The following SSBP2 variants were observed in gnomAD, a reference collection of about 807,000 sequenced individuals.
The protein encoded by SSBP2 is single stranded DNA binding protein 2, also known as single-stranded DNA-binding protein 2.
SSBP2 carries 17 observed loss-of-function variants against 61.8 expected under a neutral mutation model. The observed-to-expected ratio is 0.28, with a 90% CI of 0.19 to 0.41. The LOEUF is 0.41. Among genes scored for constraint, SSBP2 ranks in the 10% least tolerant of loss-of-function variants. The pLI, the probability that SSBP2 is intolerant of heterozygous loss-of-function variation, is 1.00. For missense variants in SSBP2, 310 were observed against 458.7 expected (o/e 0.68, Z 2.96); for synonymous variants, 139 against 141.3 (o/e 0.98, Z 0.12).
chr5:81,467,868 C>T (rs1399849864), intron 8 of SSBP2, among the ~76,000 whole-genome samples: 1 of 151,858 alleles, frequency 6.6e-6, no homozygotes, highest in Non-Finnish European at 1.5e-5. Flanking sequence ...TTAAATGTTG[C>T]TTTTCTCCAA....
chr5:81,713,817 G>C (rs998995669), intron 1 of SSBP2, among the ~76,000 whole-genome samples: 2 of 151,794 alleles, frequency 1.3e-5, no homozygotes, highest in Non-Finnish European at 2.9e-5. Flanking sequence ...ACAAATAATA[G>C]GTAAAGAGAA....
At chr5:81,582,242 A>G (rs182954645) in intron 4 of SSBP2, among the ~76,000 whole-genome samples, 6 of 152,278 alleles carry the variant, frequency 3.9e-5, no homozygotes, top group African/African-American at 9.6e-5. Flanking sequence ...TAAAATAAAT[A>G]AAGTATTTAA....
chr5:81,577,770 C>CT (rs1284474212), intron 4 of SSBP2, among the ~76,000 whole-genome samples: 2 of 151,750 alleles, frequency 1.3e-5, no homozygotes, highest in Middle Eastern at 3.2e-3. Flanking sequence ...ATTATTACAT[C>CT]TTTTTTTCTA....
At chr5:81,612,914 T>G (rs1362148240) in intron 4 of SSBP2, among the ~76,000 whole-genome samples, 1 of 151,482 alleles carries the variant, frequency 6.6e-6, no homozygotes, top group Non-Finnish European at 1.5e-5. Flanking sequence ...CCCAAGTCTT[T>G]CAAACTATTA....
At chr5:81,631,812 A>AT (rs1053746024) in intron 3 of SSBP2, among the ~76,000 whole-genome samples, 1 of 152,306 alleles carries the variant, frequency 6.6e-6, no homozygotes, top group East Asian at 1.9e-4. Flanking sequence ...ATAAGAACTA[A>AT]TTTTTTGAAC....
intron 4 of SSBP2, among the ~76,000 whole-genome samples, chr5:81,547,054 A>AAAAAAAAAAAAAAT (rs1771787018): frequency 6.6e-6 from 1 of 151,032 alleles, no homozygotes; most frequent in African/African-American, 2.4e-5. Flanking sequence ...AAAAAAAAAA[A>AAAAAAAAAAAAAAT]AAAGTCTATC....
At chr5:81,745,007 G>T (rs529460747) in intron 1 of SSBP2, among the ~76,000 whole-genome samples, 1 of 152,168 alleles carries the variant, frequency 6.6e-6, no homozygotes, top group East Asian at 1.9e-4. Context: ...ATAATTATAA[G>T]AAAAACATTA....
intron 1 of SSBP2, among the ~76,000 whole-genome samples, chr5:81,672,029 T>C (rs2153790515): frequency 6.6e-6 from 1 of 152,280 alleles, no homozygotes; most frequent in East Asian, 1.9e-4. Flanking sequence ...TATTCTACTA[T>C]TGAGCCACAT....
At chr5:81,444,873 A>AGCACTTTG (rs1304008606) in intron 12 of SSBP2, among the ~76,000 whole-genome samples, 1 of 151,878 alleles carries the variant, frequency 6.6e-6, no homozygotes, top group African/African-American at 2.4e-5. Context: ...CTGTAATCCC[A>AGCACTTTG]GCACTTTGGG....
rs1395904202 is a variant in SSBP2 at position 81,750,519 on chromosome 5, C to CGCCCCGACCCCG, written c.62+450_62+461dup. On this transcript the variant is annotated intron_variant, in intron 1 of 16. Transcript: ENST00000320672. ...CCGCCGCCGCGCTCCCCGCGCTGCC[C>CGCCCCGACCCCG]GCCCCGACCCCGGCCCCGACCCCGG... Among the ~76,000 whole-genome samples the CGCCCCGACCCCG allele has an allele frequency of 6.8e-5, 10 of 147,170 alleles. No homozygotes were observed. In the East Asian group the frequency reaches 9.9e-4, roughly 15 times the overall value.
At chr5:81,595,322 C>G (rs1395731280) in intron 4 of SSBP2, among the ~76,000 whole-genome samples, 1 of 152,188 alleles carries the variant, frequency 6.6e-6, no homozygotes, top group African/African-American at 2.4e-5. Flanking sequence ...AGACCAATAA[C>G]AGGCTCTGAA....
At chr5:81,468,613 C>T (rs1217836129) in intron 8 of SSBP2, among the ~76,000 whole-genome samples, 2 of 152,102 alleles carry the variant, frequency 1.3e-5, no homozygotes, top group Middle Eastern at 3.4e-3. Context: ...TTAAGAAACA[C>T]ATAATAGACT....
chr5:81,446,037 T>C (rs1580705161), intron 12 of SSBP2, among the ~76,000 whole-genome samples: 1 of 152,174 alleles, frequency 6.6e-6, no homozygotes, highest in Non-Finnish European at 1.5e-5. Flanking sequence ...TCCACTAAAA[T>C]TGAATTAGGC....
intron 1 of SSBP2, among the ~76,000 whole-genome samples, chr5:81,725,336 T>C (rs1439345938): frequency 3.3e-5 from 5 of 152,086 alleles, no homozygotes; most frequent in African/African-American, 7.2e-5. Context: ...AAATGAAAGA[T>C]TGGCAAAAAT....
chr5:81,734,112 A>T (rs756956342), intron 1 of SSBP2, among the ~76,000 whole-genome samples: 63 of 152,320 alleles, frequency 4.1e-4, no homozygotes, highest in Middle Eastern at 6.8e-3. Context: ...ATTTGGGTTA[A>T]AGCTACTTAA....
intron 3 of SSBP2, among the ~76,000 whole-genome samples, chr5:81,626,654 C>T (rs1357279661): frequency 2.0e-5 from 3 of 152,080 alleles, no homozygotes; most frequent in Non-Finnish European, 4.4e-5. Context: ...CCCCATGCAC[C>T]AACTCATTTC....
intron 4 of SSBP2, among the ~76,000 whole-genome samples, chr5:81,584,042 G>C (rs1283560147): frequency 6.6e-6 from 1 of 152,134 alleles, no homozygotes; most frequent in Non-Finnish European, 1.5e-5. Context: ...ACACTGATCT[G>C]TGTTACTTAA....
chr5:81,501,351 C>G (rs1355603792), intron 5 of SSBP2, among the ~76,000 whole-genome samples: 5 of 142,966 alleles, frequency 3.5e-5, no homozygotes. Context: ...TACACAATGG[C>G]TGATAAAAAT....
chr5:81,726,520 AT>A (rs200163169), intron 1 of SSBP2, among the ~76,000 whole-genome samples: 2,482 of 152,274 alleles, frequency 0.016, 75 homozygotes, highest in African/African-American at 0.056. Flanking sequence ...ATGCTGCACT[AT>A]TATACTTAAA....
Sources: allele counts gnomAD v4.1 joint callset (sites outside exome capture counted in the v4.1 genomes callset), GRCh38; gene constraint gnomAD v4.1.1; transcripts MANE v1.5; gene names NCBI Gene and HGNC (gene_info 2026-07-23, HGNC 2026-07-21).